RPS6KA3: variants seen among roughly 807,000 people sequenced by gnomAD.
RPS6KA3 encodes the protein ribosomal protein S6 kinase alpha-3.
Under a neutral mutation model 67.2 loss-of-function variants are expected in RPS6KA3, and 4 were observed. That is an observed-to-expected ratio of 0.06 (90% confidence interval 0.03 to 0.14). RPS6KA3 has a LOEUF of 0.14. Ranked by LOEUF, RPS6KA3 falls within the 10% of genes least tolerant of loss-of-function variation. RPS6KA3 has a pLI of 1.00. For missense variants in RPS6KA3, 204 were observed against 559.0 expected (o/e 0.36, Z 6.40); for synonymous variants, 182 against 183.7 (o/e 0.99, Z 0.07).
chrX:20,246,270 C>T (rs1277187962), intron 1 of RPS6KA3, among the ~76,000 whole-genome samples: 2 of 110,357 alleles, frequency 1.8e-5, no homozygotes, highest in Non-Finnish European at 3.8e-5. Flanking sequence ...GTTTTCTAAT[C>T]CATAAAATTT....
intron 3 of RPS6KA3, among the ~76,000 whole-genome samples, chrX:20,206,860 C>T (rs774742911): frequency 3.6e-5 from 4 of 111,379 alleles, no homozygotes; most frequent in Non-Finnish European, 7.5e-5. Flanking sequence ...GGCTTTCTAG[C>T]AGGATGGAGC....
intron 2 of RPS6KA3, among the ~76,000 whole-genome samples, chrX:20,224,672 C>G (rs995602743): frequency 9.0e-6 from 1 of 111,185 alleles, no homozygotes; most frequent in Admixed American, 9.6e-5. Flanking sequence ...AGGTTTTAAA[C>G]CAGAAATGGG....
chrX:20,235,975 T>C (rs960179760), intron 1 of RPS6KA3, among the ~76,000 whole-genome samples: 3 of 111,709 alleles, frequency 2.7e-5, no homozygotes, highest in East Asian at 2.8e-4. Flanking sequence ...TGGAATACTA[T>C]GCAGTCATTA....
chrX:20,158,007 C>T (rs2067226287), intron 20 of RPS6KA3, among the ~76,000 whole-genome samples: 2 of 110,285 alleles, frequency 1.8e-5, no homozygotes, highest in Non-Finnish European at 3.8e-5. Flanking sequence ...GGGAGTGATG[C>T]GGTTAAGTAA....
chrX:20,226,119 T>G, intron 2 of RPS6KA3, among the ~76,000 whole-genome samples: 1 of 111,136 alleles, frequency 9.0e-6, no homozygotes. Flanking sequence ...GAGGCGGAGG[T>G]TGCAGTGAGC....
chrX:20,223,274 A>G (rs1392194143), intron 2 of RPS6KA3, among the ~76,000 whole-genome samples: 2 of 111,811 alleles, frequency 1.8e-5, no homozygotes, highest in African/African-American at 6.5e-5. Context: ...TGCTAATTCT[A>G]TAAAACAAGA....
At position 20,180,823 on chromosome X, in the gene RPS6KA3, T is replaced by C. The variant is rs2067825059; in HGVS notation, c.846-3739A>G. 3.6e-5 allele frequency among the ~76,000 whole-genome samples: 4 copies of C among 112,450 alleles called. No individual in the cohort carries two copies. In the South Asian group the frequency reaches 1.1e-3, roughly 31 times the overall value. On this transcript the variant is annotated intron_variant, in intron 10 of 21. Transcript: ENST00000379565. Reference sequence around the variant, plus strand: ...AACTTTATGCTTTTTGTTTCAGATATTGAGAGGGGGTCTCATTCTTTGACA... The same window carrying C: ...AACTTTATGCTTTTTGTTTCAGATACTGAGAGGGGGTCTCATTCTTTGACA...
At chrX:20,187,734 A>G in intron 9 of RPS6KA3, 94 bp downstream of exon 9, 1 of 741,351 alleles carries the variant, frequency 1.3e-6, no homozygotes, top group Non-Finnish European at 2.1e-6. Flanking sequence ...GCATAAAATA[A>G]AGAAAATAAA....
intron 7 of RPS6KA3, among the ~76,000 whole-genome samples, chrX:20,188,836 G>T (rs1016977105): frequency 7.1e-5 from 8 of 112,849 alleles, no homozygotes; most frequent in Non-Finnish European, 1.1e-4. Context: ...TTCTGCAGAC[G>T]TAGTTTGACT....
intron 2 of RPS6KA3, among the ~76,000 whole-genome samples, chrX:20,225,508 TAC>T (rs973484051): frequency 9.0e-6 from 1 of 111,382 alleles, no homozygotes; most frequent in Admixed American, 9.5e-5. Context: ...AGTACTCAAA[TAC>T]ACTCTCAACC....
chrX:20,231,629 A>G (rs868339851), intron 2 of RPS6KA3, among the ~76,000 whole-genome samples: 7 of 112,189 alleles, frequency 6.2e-5, no homozygotes, highest in Non-Finnish European at 1.1e-4. Flanking sequence ...CCAAAAAGGT[A>G]TGTTCAAGTA....
rs774729580 is a variant in RPS6KA3, at chrX:20,176,286, A to G, written c.1066T>C (p.Tyr356His). The change falls in exon 13 of 22, where the codon TAT becomes CAT. Residue 356 changes from tyrosine to histidine, a missense_variant. By Grantham distance (83) the Tyr-to-His change is moderately conservative (BLOSUM62 2). Around this residue, in one of 4 missense-constraint regions of RPS6KA3, gnomAD observed 76 missense variants for 250.3 expected, o/e 0.30. Transcript: ENST00000379565. ...TTTGCAGTAAACTCAGGATCAAAAT[A>G]GAATGTATCTTCAGGCCTGCCCGTT... ...PATGRPEDTFYFDPEFTAKTP... is the reference protein window; with the variant it reads ...PATGRPEDTFHFDPEFTAKTP... The G allele has an allele frequency of 8.3e-7, 1 of 1,202,403 alleles. No homozygotes were observed.
Position 20,266,633 on chromosome X carries a change from C to A in RPS6KA3, c.-1G>T. 8.8e-7 allele frequency: 1 copy of A among 1,139,758 alleles called. No individual in the cohort carries two copies. The highest frequency in any genetic ancestry group is 1.8e-5 in the African/African-American group (1 of 54,930). 93.9% of individuals were successfully genotyped at this position (1,139,758 alleles called of 1,213,427 possible). On this transcript the variant is annotated 5_prime_UTR_variant, in exon 1 of 22. Coordinates refer to ENST00000379565, the MANE Select transcript of RPS6KA3 (RefSeq NM_004586.3). ...GGTCCGCCAGCTGCGCCAGCGGCAT[C>A]TTCCCCCCCGGCCCGCCGCCTTCAC...
intron 1 of RPS6KA3, among the ~76,000 whole-genome samples, chrX:20,255,789 C>CAAAAAA (rs766544803): frequency 2.9e-4 from 5 of 17,151 alleles, no homozygotes; most frequent in Non-Finnish European, 4.4e-4. Context: ...AATTTCGTCT[C>CAAAAAA]AAAAAAAAAA....
chrX:20,253,330 G>A (rs1603432176), intron 1 of RPS6KA3, among the ~76,000 whole-genome samples: 1 of 110,872 alleles, frequency 9.0e-6, no homozygotes, highest in East Asian at 2.8e-4. Flanking sequence ...CTTTCCCCCA[G>A]TTGTTTGTCT....
At chrX:20,250,231 C>G (rs1412792449) in intron 1 of RPS6KA3, among the ~76,000 whole-genome samples, 1 of 111,785 alleles carries the variant, frequency 8.9e-6, no homozygotes, top group African/African-American at 3.3e-5. Flanking sequence ...CTCTGTCACC[C>G]AGGCTGGAGT....
At chrX:20,205,158 CATGGCTAATACAAG>C (rs1569233319) in intron 3 of RPS6KA3, among the ~76,000 whole-genome samples, 9 of 112,443 alleles carry the variant, frequency 8.0e-5, no homozygotes, top group Non-Finnish European at 1.3e-4. Context: ...CATTCTATAA[CATGGCTAATACAAG>C]ACTACCAATA....
chrX:20,176,892 T>C, intron 11 of RPS6KA3, 104 bp downstream of exon 11: 3 of 645,883 alleles, frequency 4.6e-6, no homozygotes, highest in Admixed American at 5.1e-5. Flanking sequence ...AGGCCTAGCC[T>C]TGTCTAAATA....
chrX:20,213,561 A>G (rs988703639), intron 2 of RPS6KA3, among the ~76,000 whole-genome samples: 4 of 111,494 alleles, frequency 3.6e-5, no homozygotes, highest in African/African-American at 1.3e-4. Context: ...TGCTAGCTGT[A>G]TGTAATTTTA....
Sources: gnomAD v4.1 joint callset for allele counts (sites outside exome capture counted in the v4.1 genomes callset) on GRCh38, gnomAD v4.1.1 for gene constraint, gnomAD v4.1.1 regional missense constraint, MANE v1.5 for transcripts, NCBI Gene and HGNC (gene_info 2026-07-23, HGNC 2026-07-21) for gene names.